Variants in BACH2 observed in about 807,000 individuals in gnomAD.
BACH2 encodes the protein BACH transcriptional regulator 2.
A neutral mutation model predicts 61.8 loss-of-function variants in BACH2; 5 were observed. That is an observed-to-expected ratio of 0.08 (90% CI 0.04 to 0.17). The LOEUF (loss-of-function observed/expected upper bound fraction) is 0.17, where lower values mean the gene tolerates loss of function less well. Ranked by LOEUF, BACH2 falls within the 10% of genes least tolerant of loss-of-function variation. The pLI, the probability that BACH2 is intolerant of heterozygous loss-of-function variation, is 1.00. For synonymous variants in BACH2, 446 were observed against 440.1 expected (o/e 1.01, Z -0.17); for missense variants, 824 against 1,091.1 (o/e 0.76, Z 3.45).
intron 6 of BACH2, among the ~76,000 whole-genome samples, chr6:89,993,443 A>G (rs1206017788): frequency 6.6e-6 from 1 of 152,208 alleles, no homozygotes; most frequent in Non-Finnish European, 1.5e-5. Flanking sequence ...AAGTGAAAAA[A>G]AGATAAAAGA....
intron 4 of BACH2, among the ~76,000 whole-genome samples, chr6:90,195,119 G>A (rs1768712067): frequency 6.6e-6 from 1 of 152,100 alleles, no homozygotes; most frequent in Admixed American, 6.5e-5. Context: ...ATGTCCAGAT[G>A]TGGGTGATTC....
chr6:89,944,317 G>C (rs1438995318), intron 7 of BACH2, among the ~76,000 whole-genome samples: 1 of 152,228 alleles, frequency 6.6e-6, no homozygotes, highest in Non-Finnish European at 1.5e-5. Context: ...CTGCCTGATA[G>C]ATACAAGGTA....
At chr6:90,261,329 T>G (rs1771150182) in intron 2 of BACH2, among the ~76,000 whole-genome samples, 1 of 152,230 alleles carries the variant, frequency 6.6e-6, no homozygotes, top group Non-Finnish European at 1.5e-5. Context: ...GGATTATATC[T>G]ATCCTCCAGG....
intron 1 of BACH2, among the ~76,000 whole-genome samples, chr6:90,284,842 C>T (rs919707529): frequency 3.9e-5 from 6 of 152,186 alleles, no homozygotes; most frequent in Non-Finnish European, 8.8e-5. Flanking sequence ...AGTCACAATT[C>T]TATTGATACT....
At chr6:90,161,736 T>A (rs983418079) in intron 4 of BACH2, among the ~76,000 whole-genome samples, 3 of 152,128 alleles carry the variant, frequency 2.0e-5, no homozygotes, top group African/African-American at 7.2e-5. Context: ...ATGCTTAACA[T>A]CCTACCTTTC....
intron 7 of BACH2, among the ~76,000 whole-genome samples, chr6:89,949,309 G>A (rs1001091634): frequency 1.3e-5 from 2 of 152,172 alleles, no homozygotes; most frequent in Admixed American, 6.5e-5. Context: ...CTCCTGAGGG[G>A]GGTCTGAGAC....
intron 1 of BACH2, among the ~76,000 whole-genome samples, chr6:90,276,292 T>C (rs932639732): frequency 6.6e-6 from 1 of 152,242 alleles, no homozygotes; most frequent in African/African-American, 2.4e-5. Flanking sequence ...TCACATATTC[T>C]CATTTCCCAT....
At chr6:90,056,101 G>T (rs993879707) in intron 5 of BACH2, among the ~76,000 whole-genome samples, 7 of 152,248 alleles carry the variant, frequency 4.6e-5, no homozygotes, top group African/African-American at 1.7e-4. Context: ...ATAATGACAG[G>T]ATCAAATTCA....
At chr6:90,227,643 A>T (rs929512392) in intron 3 of BACH2, among the ~76,000 whole-genome samples, 5 of 152,168 alleles carry the variant, frequency 3.3e-5, no homozygotes, top group African/African-American at 9.7e-5. Flanking sequence ...AAACCTAAAG[A>T]AGCAGAGTTA....
chr6:90,068,068 A>G (rs1039974462), intron 5 of BACH2, among the ~76,000 whole-genome samples: 5 of 152,230 alleles, frequency 3.3e-5, no homozygotes, highest in Non-Finnish European at 5.9e-5. Flanking sequence ...CAAAGCATAA[A>G]CAAAATCACT....
At chr6:90,243,638 A>G (rs973448467) in intron 3 of BACH2, among the ~76,000 whole-genome samples, 2 of 152,206 alleles carry the variant, frequency 1.3e-5, no homozygotes, top group Non-Finnish European at 2.9e-5. Flanking sequence ...GTAATTACTG[A>G]ATCTCTTTTT....
intron 4 of BACH2, among the ~76,000 whole-genome samples, chr6:90,117,256 C>T (rs1329828763): frequency 6.6e-6 from 1 of 152,100 alleles, no homozygotes; most frequent in Non-Finnish European, 1.5e-5. Flanking sequence ...TCTACAGCTT[C>T]ATCTTTCACC....
intron 4 of BACH2, among the ~76,000 whole-genome samples, chr6:90,179,988 TAAA>T (rs1768104246): frequency 1.3e-5 from 2 of 152,098 alleles, no homozygotes; most frequent in South Asian, 4.1e-4. Context: ...ATGCACCCAT[TAAA>T]AAGAATGTTC....
chr6:90,257,323 A>G (rs575710162), intron 2 of BACH2, among the ~76,000 whole-genome samples: 2 of 152,328 alleles, frequency 1.3e-5, no homozygotes, highest in Non-Finnish European at 2.9e-5. Flanking sequence ...CATAACGGCT[A>G]TACCCAATCT....
At chr6:89,935,362 C>T (rs1419803112) in intron 8 of BACH2, among the ~76,000 whole-genome samples, 12 of 152,162 alleles carry the variant, frequency 7.9e-5, no homozygotes, top group African/African-American at 4.8e-5. Flanking sequence ...ACTGCTTGGG[C>T]GCTGGGAGAG....
chr6:89,975,649 G>C (rs1318687502), intron 6 of BACH2, among the ~76,000 whole-genome samples: 1 of 152,070 alleles, frequency 6.6e-6, no homozygotes, highest in Admixed American at 6.5e-5. Context: ...TAAATAATTG[G>C]CTCCAAGAGC....
At chr6:90,005,586 T>C (rs867597968) in intron 6 of BACH2, among the ~76,000 whole-genome samples, 1 of 152,204 alleles carries the variant, frequency 6.6e-6, no homozygotes, top group Non-Finnish European at 1.5e-5. Flanking sequence ...GACATTTCAG[T>C]GTGCACACAG....
rs572855427 is a variant in BACH2, at chr6:89,927,720, T to C, written c.*4688A>G. 6.5e-6 allele frequency: 1 copy of C among 152,944 alleles called. No individual in the cohort carries two copies. Among genetic ancestry groups the C allele is most frequent in the African/African-American group, 2.4e-5 (1 of 41,594 alleles). 9.5% of individuals were successfully genotyped at this position (152,944 alleles called of 1,614,324 possible). On this transcript the variant is annotated 3_prime_UTR_variant, in exon 9 of 9. Transcript: ENST00000257749. ...TACATTTAAAATGCACTGATATTCA[T>C]TTGATAGAAATATCATCTCCCAGGG...
At chr6:90,228,480 G>A (rs1769986885) in intron 3 of BACH2, among the ~76,000 whole-genome samples, 1 of 152,242 alleles carries the variant, frequency 6.6e-6, no homozygotes, top group Admixed American at 6.5e-5. Context: ...GGTGGCTCAC[G>A]CCTGTAATCC....
Sources: allele counts gnomAD v4.1 joint callset (sites outside exome capture counted in the v4.1 genomes callset), GRCh38; gene constraint gnomAD v4.1.1; transcripts MANE v1.5; gene names NCBI Gene and HGNC (gene_info 2026-07-23, HGNC 2026-07-21).